Variants in SF3A3 observed in about 807,000 individuals in gnomAD.
SF3A3 encodes the protein splicing factor 3a subunit 3.
Under a neutral mutation model 85.8 loss-of-function variants are expected in SF3A3, and 9 were observed. The observed-to-expected ratio is 0.10, with a 90% CI of 0.06 to 0.18. The LOEUF is 0.18. SF3A3 is among the 10% of genes least tolerant of loss of function. The pLI, the probability that SF3A3 is intolerant of heterozygous loss-of-function variation, is 1.00. For synonymous variants in SF3A3, 195 were observed against 204.4 expected (o/e 0.95, Z 0.39); for missense variants, 306 against 593.3 (o/e 0.52, Z 5.03).
At chr1:37,989,445 G>C (rs1646479416) in intron 2 of SF3A3, 103 bp downstream of exon 2, 11 of 1,278,370 alleles carry the variant, frequency 8.6e-6, no homozygotes, top group Non-Finnish European at 1.1e-5. Context: ...TGGCCAATCC[G>C]GTTACCTTTG....
At chr1:37,981,867 G>C in intron 6 of SF3A3, 56 bp from the exon 7 acceptor site, 1 of 981,586 alleles carries the variant, frequency 1.0e-6, no homozygotes, top group Non-Finnish European at 1.6e-6. Context: ...ACTGTAACAA[G>C]TTACAATATA....
chr1:37,962,373 G>T (rs571336912), intron 15 of SF3A3, among the ~76,000 whole-genome samples: 1 of 148,094 alleles, frequency 6.8e-6, no homozygotes. Flanking sequence ...GGAGGCTAAG[G>T]TGGGCAGATC....
Position 37,978,435 on chromosome 1 carries a change from T to C in SF3A3, c.935+285A>G, listed in dbSNP as rs368846372. ...AAAATAAGCTTAGAAAAATAGGTTT[T>C]GAACCTATTTAGCCTTTTAGCCTCC... On this transcript the variant is annotated intron_variant, in intron 11 of 16. Coordinates refer to ENST00000373019, the MANE Select transcript of SF3A3 (RefSeq NM_006802.4). Among the ~76,000 whole-genome samples, 13 of 150,790 alleles carry C rather than the reference T, an allele frequency of 8.6e-5. No homozygotes were observed. In the South Asian group the frequency reaches 1.5e-3, roughly 17 times the overall value.
intron 15 of SF3A3, among the ~76,000 whole-genome samples, chr1:37,966,259 G>T (rs1646299621): frequency 6.6e-6 from 1 of 151,602 alleles, no homozygotes; most frequent in African/African-American, 2.4e-5. Flanking sequence ...AAGAAGAAAA[G>T]AAAAGGCTGC....
At chr1:37,973,835 T>A (rs1646360104) in intron 12 of SF3A3, among the ~76,000 whole-genome samples, 1 of 152,206 alleles carries the variant, frequency 6.6e-6, no homozygotes, top group Non-Finnish European at 1.5e-5. Context: ...CCAACCCAAA[T>A]GTCCATCAAT....
chr1:37,987,708 T>TA, intron 3 of SF3A3, 30 bp from the exon 4 acceptor site: 3 of 1,609,548 alleles, frequency 1.9e-6, no homozygotes, highest in Non-Finnish European at 2.6e-6. Flanking sequence ...TCAAAGAAGA[T>TA]AGAGCACAAA....
intron 4 of SF3A3, among the ~76,000 whole-genome samples, chr1:37,985,307 G>A (rs755492301): frequency 3.3e-5 from 5 of 152,180 alleles, no homozygotes; most frequent in Non-Finnish European, 7.3e-5. Flanking sequence ...AAACTCAAAA[G>A]TCCACCTTTA....
At chr1:37,985,728 T>A (rs1327887892) in intron 4 of SF3A3, among the ~76,000 whole-genome samples, 1 of 152,200 alleles carries the variant, frequency 6.6e-6, no homozygotes, top group African/African-American at 2.4e-5. Context: ...ATGGTATTCA[T>A]TTATTCTCCC....
At chr1:37,968,522 T>A (rs1646317936) in intron 14 of SF3A3, among the ~76,000 whole-genome samples, 1 of 152,214 alleles carries the variant, frequency 6.6e-6, no homozygotes. Context: ...CAGGTCAGCA[T>A]CATCTTTGTA....
intron 15 of SF3A3, among the ~76,000 whole-genome samples, chr1:37,966,304 G>C (rs1646299913): frequency 6.6e-6 from 1 of 152,120 alleles, no homozygotes; most frequent in Non-Finnish European, 1.5e-5. Context: ...AGCTACTACT[G>C]CTGGGAAAAC....
intron 12 of SF3A3, among the ~76,000 whole-genome samples, chr1:37,971,779 A>T (rs1646346451): frequency 6.6e-6 from 1 of 152,228 alleles, no homozygotes; most frequent in Admixed American, 6.5e-5. Flanking sequence ...CAATAGATGC[A>T]GAAAAGGCCT....
At chr1:37,962,088 AAAAC>A (rs1188559332) in intron 15 of SF3A3, among the ~76,000 whole-genome samples, 93 of 1,878 alleles carry the variant, frequency 0.05, no homozygotes, top group East Asian at 0.43. Context: ...CCGTCTCAAA[AAAAC>A]AAAACAAAAC....
chr1:37,978,843 G>C lies in SF3A3; in HGVS notation c.828-16C>G, dbSNP rs561846295. 46 of 1,570,024 alleles carry C rather than the reference G, an allele frequency of 2.9e-5. No individual in the cohort carries two copies. The highest frequency in any genetic ancestry group is 3.8e-5 in the Non-Finnish European group (44 of 1,153,110). On this transcript the variant is annotated splice_polypyrimidine_tract_variant and intron_variant, in intron 10 of 16. Transcript: ENST00000373019. The stretch of plus-strand genomic sequence containing the variant: ...TTCTAGGGTCCTAAGGAGACAGGAC[G>C]GCAAAGGATTTTAGGGTTACTTTAC...
chr1:37,984,925 G>C, intron 4 of SF3A3, 146 bp from the exon 5 acceptor site: 1 of 631,100 alleles, frequency 1.6e-6, no homozygotes, highest in Non-Finnish European at 2.8e-6. Flanking sequence ...GTCCTGCCTC[G>C]GCCACCCGAG....
chr1:37,975,426 G>C (rs1481526067), intron 12 of SF3A3, among the ~76,000 whole-genome samples: 1 of 151,948 alleles, frequency 6.6e-6, no homozygotes, highest in Non-Finnish European at 1.5e-5. Context: ...TGAGGCACAG[G>C]AATCACTTGA....
chr1:37,960,129 A>G lies in SF3A3; in HGVS notation c.1419T>C (p.Pro473=). 1 of 1,613,942 alleles carries G rather than the reference A, an allele frequency of 6.2e-7. No homozygotes were observed. The highest frequency in any genetic ancestry group is 1.3e-5 in the African/African-American group (1 of 75,036). ...CCACATTAGTACCCACCTCAGTGTCAGGCTGCCATCGTTCTGAAGCCTTCT... is the reference window on the plus strand; with the variant it reads ...CCACATTAGTACCCACCTCAGTGTCGGGCTGCCATCGTTCTGAAGCCTTCT... ...KLQKASERWQ[P]DTEEEYEDSS... is the part of the protein sequence containing the mutation. Residue 473 remains proline (P), a synonymous_variant, in exon 16 of 17, where the codon CCT becomes CCC. Transcript: ENST00000373019.
At chr1:37,960,725 A>G (rs1254821454) in intron 15 of SF3A3, 1 of 152,170 alleles carries the variant, frequency 6.6e-6, no homozygotes, top group East Asian at 1.9e-4. Flanking sequence ...ATCTCAGCTC[A>G]CTGCAAGCTC....
In SF3A3 at chr1:37,969,706, T is replaced by C. The variant is rs1646325421; in HGVS notation, c.1035A>G (p.Val345=). 6.2e-7 allele frequency: 1 copy of C among 1,614,108 alleles called. No homozygotes were observed. The highest frequency in any genetic ancestry group is 1.3e-5 in the African/African-American group (1 of 74,928). ...CTCCTGTCCTGGCTTGCTTGCGCTG[T>C]ACATTTTCATGAGTGAGATGTCGCT... ...GEQRHLTHEN[V]QRKQARTGEE... Residue 345 remains valine, a synonymous_variant, in exon 13 of 17, where the codon GTA becomes GTG. Transcript: ENST00000373019.
rs1294538264 is a variant in SF3A3, at chr1:37,984,772, A to G, written c.311T>C (p.Val104Ala). 6.2e-7 allele frequency: 1 copy of G among 1,613,544 alleles called. No homozygotes were observed. The highest frequency in any genetic ancestry group is 1.3e-5 in the African/African-American group (1 of 75,006). Reference sequence around the variant, plus strand: ...TTCCTCAAATTCCACTGACATTGGCACACAGATCTGAGGGGAAAAGTAAAA... The same window carrying G: ...TTCCTCAAATTCCACTGACATTGGCGCACAGATCTGAGGGGAAAAGTAAAA... ...FHRKHPNEIC[V>A]PMSVEFEELL... The change falls in exon 5 of 17, where the codon GTG becomes GCG. Residue 104 changes from valine to alanine, a missense_variant. Transcript: ENST00000373019.
Sources: gnomAD v4.1 joint callset for allele counts (sites outside exome capture counted in the v4.1 genomes callset) on GRCh38, gnomAD v4.1.1 for gene constraint, MANE v1.5 for transcripts, NCBI Gene and HGNC (gene_info 2026-07-23, HGNC 2026-07-21) for gene names.